Variants in ME3 observed in about 807,000 individuals in gnomAD.
ME3 encodes the protein NADP-dependent malic enzyme, mitochondrial.
A neutral mutation model predicts 68.9 loss-of-function variants in ME3; 48 were observed. That is an observed-to-expected ratio of 0.70 (90% confidence interval 0.55 to 0.89). The LOEUF is 0.89. Ranked by LOEUF, ME3 falls within the 40% of genes least tolerant of loss-of-function variation. The pLI is 0.00. For missense variants in ME3, 675 were observed against 797.4 expected (o/e 0.85, Z 1.85); for synonymous variants, 320 against 318.8 (o/e 1.00, Z -0.04).
At chr11:86,663,717 C>G (rs1407388242) in intron 2 of ME3, among the ~76,000 whole-genome samples, 1 of 152,130 alleles carries the variant, frequency 6.6e-6, no homozygotes, top group Non-Finnish European at 1.5e-5. Flanking sequence ...TAAAAAGAAA[C>G]CTTTGGTAGA....
chr11:86,558,827 A>G (rs113125957), intron 3 of ME3, among the ~76,000 whole-genome samples: 1 of 152,226 alleles, frequency 6.6e-6, no homozygotes, highest in Non-Finnish European at 1.5e-5. Context: ...TAACAACCCT[A>G]TGAGTTTTCC....
intron 2 of ME3, among the ~76,000 whole-genome samples, chr11:86,637,257 G>T (rs1290257642): frequency 1.3e-5 from 2 of 150,498 alleles, no homozygotes; most frequent in African/African-American, 4.9e-5. Flanking sequence ...AGGCTCTTAG[G>T]GTTACAAAAA....
intron 2 of ME3, among the ~76,000 whole-genome samples, chr11:86,561,705 G>C (rs574718834): frequency 6.6e-6 from 1 of 152,222 alleles, no homozygotes; most frequent in Admixed American, 6.5e-5. Flanking sequence ...TGGTTAACCT[G>C]TACCACTGTG....
intron 4 of ME3, among the ~76,000 whole-genome samples, chr11:86,531,626 TA>T (rs1382727590): frequency 6.6e-6 from 1 of 152,048 alleles, no homozygotes; most frequent in Non-Finnish European, 1.5e-5. Flanking sequence ...TAGAATGGAT[TA>T]AGAAAATGTG....
intron 2 of ME3, among the ~76,000 whole-genome samples, chr11:86,619,134 T>C (rs1029953796): frequency 4.6e-5 from 7 of 152,154 alleles, no homozygotes; most frequent in Non-Finnish European, 8.8e-5. Flanking sequence ...CCCTGAGGCC[T>C]CCCCAGAAGC....
intron 4 of ME3, among the ~76,000 whole-genome samples, chr11:86,535,435 C>T (rs983165022): frequency 2.0e-5 from 3 of 152,150 alleles, no homozygotes; most frequent in Non-Finnish European, 4.4e-5. Flanking sequence ...ATTAATTTTC[C>T]AGAACCAAGG....
intron 4 of ME3, among the ~76,000 whole-genome samples, chr11:86,552,070 T>C (rs1038611448): frequency 7.2e-5 from 11 of 152,122 alleles, no homozygotes; most frequent in Admixed American, 2.6e-4. Context: ...GGTGACTGAG[T>C]AGATGACAAC....
chr11:86,667,281 G>A (rs1249484928), intron 2 of ME3, among the ~76,000 whole-genome samples: 4 of 152,180 alleles, frequency 2.6e-5, no homozygotes, highest in Non-Finnish European at 4.4e-5. Context: ...AAGGATCAGT[G>A]GAATTTCGTG....
At chr11:86,591,730 A>G (rs1565181309) in intron 2 of ME3, among the ~76,000 whole-genome samples, 1 of 152,174 alleles carries the variant, frequency 6.6e-6, no homozygotes, top group Non-Finnish European at 1.5e-5. Flanking sequence ...TTTTATGTGG[A>G]TGGCAACAGG....
At chr11:86,582,543 A>G (rs897675937) in intron 2 of ME3, among the ~76,000 whole-genome samples, 3 of 152,206 alleles carry the variant, frequency 2.0e-5, no homozygotes, top group African/African-American at 7.2e-5. Flanking sequence ...AAATATCTCA[A>G]TAGAAATTCA....
chr11:86,518,846 C>T (rs954893821), intron 4 of ME3, among the ~76,000 whole-genome samples: 3 of 152,124 alleles, frequency 2.0e-5, no homozygotes, highest in South Asian at 2.1e-4. Flanking sequence ...AAGACAGGGA[C>T]ATGCAGGAAG....
chr11:86,460,545 A>C (rs1216680877), intron 8 of ME3, among the ~76,000 whole-genome samples: 1 of 152,190 alleles, frequency 6.6e-6, no homozygotes, highest in Non-Finnish European at 1.5e-5. Flanking sequence ...GCATGACCCT[A>C]GTCTCATTTT....
chr11:86,476,874 A>G (rs1034862692), intron 7 of ME3, among the ~76,000 whole-genome samples: 7 of 152,134 alleles, frequency 4.6e-5, no homozygotes, highest in African/African-American at 1.4e-4. Flanking sequence ...AAGAGAGGAA[A>G]AGTAATATTG....
exon 14 of ME3, chr11:86,442,858 C>G: frequency 6.2e-7 from 1 of 1,613,512 alleles, no homozygotes; most frequent in African/African-American, 1.3e-5. Context: ...TCGGATGGTG[C>G]TGAGTGGTGG....
intron 2 of ME3, among the ~76,000 whole-genome samples, chr11:86,623,840 G>A (rs1943496424): frequency 6.6e-6 from 1 of 152,114 alleles, no homozygotes; most frequent in Non-Finnish European, 1.5e-5. Flanking sequence ...TTTCCCCTCT[G>A]GAGATTATGA....
chr11:86,450,428 T>A, intron 8 of ME3, 30 bp from the exon 9 acceptor site: 1 of 1,578,936 alleles, frequency 6.3e-7, no homozygotes, highest in Non-Finnish European at 8.7e-7. Flanking sequence ...GATCAACCTC[T>A]GGCCACAGGC....
chr11:86,475,216 C>T (rs988401394), intron 7 of ME3, among the ~76,000 whole-genome samples: 7 of 152,172 alleles, frequency 4.6e-5, no homozygotes, highest in Non-Finnish European at 1.0e-4. Context: ...TTAGTACCAT[C>T]CCTCTGGGTA....
chr11:86,531,768 T>A (rs542281600), intron 4 of ME3, among the ~76,000 whole-genome samples: 1 of 133,330 alleles, frequency 7.5e-6, no homozygotes, highest in African/African-American at 2.9e-5. Context: ...TAGGTGGGAA[T>A]TGAACAATGA....
rs1408985940 is a variant in ME3, at chr11:86,579,399, C to A, written c.184-19576G>T. On this transcript the variant is annotated intron_variant, in intron 2 of 14. Transcript: ENST00000543262. Reference sequence around the variant, plus strand: ...CCTGGCTTCAAATAATGTCTCTGCTCCAACTGGCCATGTGATCACAGGGAA... The same window carrying A: ...CCTGGCTTCAAATAATGTCTCTGCTACAACTGGCCATGTGATCACAGGGAA... 2.0e-5 allele frequency among the ~76,000 whole-genome samples: 3 copies of A among 152,078 alleles called. No homozygotes were observed. The East Asian group carries it at 5.8e-4, about 29-fold the overall frequency.
Sources: allele counts gnomAD v4.1 joint callset (sites outside exome capture counted in the v4.1 genomes callset), GRCh38; gene constraint gnomAD v4.1.1; transcripts MANE v1.5; gene names NCBI Gene and HGNC (gene_info 2026-07-23, HGNC 2026-07-21).